The following XPNPEP1 variants were observed in gnomAD, a reference collection of about 807,000 sequenced individuals.
The protein encoded by XPNPEP1 is X-prolyl aminopeptidase 1, also known as xaa-Pro aminopeptidase 1.
In XPNPEP1, 39 loss-of-function variants were observed where a neutral mutation model predicts 92.4. The observed-to-expected ratio is 0.42, with a 90% CI of 0.33 to 0.55. The LOEUF is 0.55. XPNPEP1 is among the 20% of genes least tolerant of loss of function. The pLI, the probability that XPNPEP1 is intolerant of heterozygous loss-of-function variation, is 0.08. For missense variants in XPNPEP1, 654 were observed against 856.1 expected (o/e 0.76, Z 2.95); for synonymous variants, 307 against 299.4 (o/e 1.03, Z -0.26).
intron 1 of XPNPEP1, among the ~76,000 whole-genome samples, chr10:109,918,860 GA>G (rs1296767758): frequency 3.6e-3 from 99 of 27,374 alleles, no homozygotes; most frequent in African/African-American, 0.013. Flanking sequence ...AGGAAGGAGG[GA>G]AGGAAGGAAG....
intron 3 of XPNPEP1, among the ~76,000 whole-genome samples, chr10:109,899,100 A>AT (rs773914676): frequency 2.0e-5 from 3 of 152,204 alleles, no homozygotes; most frequent in Non-Finnish European, 4.4e-5. Flanking sequence ...GTTTCCAAAT[A>AT]TAAGTTATTG....
chr10:109,909,147 T>C (rs1289660882), intron 2 of XPNPEP1, among the ~76,000 whole-genome samples: 1 of 152,156 alleles, frequency 6.6e-6, no homozygotes, highest in Admixed American at 6.5e-5. Context: ...GGCGGGTGCC[T>C]GTAGTCCCAG....
intron 1 of XPNPEP1, among the ~76,000 whole-genome samples, chr10:109,919,043 T>G (rs1850379202): frequency 6.6e-6 from 1 of 152,208 alleles, no homozygotes; most frequent in South Asian, 2.1e-4. Context: ...TGTAAAACTC[T>G]TATAGCGCAA....
chr10:109,867,821 T>A lies in XPNPEP1; in HGVS notation c.1872+793A>T, dbSNP rs765075545. Among the ~76,000 whole-genome samples, 2 of 152,272 alleles carry A rather than the reference T, an allele frequency of 1.3e-5. No individual in the cohort carries two copies. Among genetic ancestry groups the A allele is most frequent in the Non-Finnish European group, 2.9e-5 (2 of 68,052 alleles). On this transcript the variant is annotated intron_variant, in intron 20 of 20. Coordinates refer to ENST00000502935, the MANE Select transcript of XPNPEP1 (RefSeq NM_020383.4). This position sits in a 1 kb window ranked among gnomAD's most constrained non-coding sequence, Gnocchi z 4.5. ...GGAACTTCTGACCCCTGCCTTGCTC[T>A]GGAATTTGTGTCCTCCTGGCTTCCA...
chr10:109,887,960 CTTGGA>C, intron 7 of XPNPEP1, 84 bp downstream of exon 7: 1 of 1,536,954 alleles, frequency 6.5e-7, no homozygotes, highest in Non-Finnish European at 8.8e-7. Context: ...TCCAACTCGA[CTTGGA>C]TTCGGAGGAC....
At chr10:109,890,585 TGTGTGTGTGA>T (rs1201813028) in intron 5 of XPNPEP1, among the ~76,000 whole-genome samples, 3 of 91,992 alleles carry the variant, frequency 3.3e-5, no homozygotes, top group African/African-American at 1.4e-4. Context: ...TGTGTGTGTG[TGTGTGTGTGA>T]GAGAGAGAGA....
chr10:109,892,876 T>G lies in XPNPEP1; in HGVS notation c.310+136A>C, dbSNP rs141751573. Reference sequence around the variant, plus strand: ...CAGGGAAAGACTGGGAACCCACACCTTTCTGCAGAGAGTCAATGTGGAGCA... The same window carrying G: ...CAGGGAAAGACTGGGAACCCACACCGTTCTGCAGAGAGTCAATGTGGAGCA... On this transcript the variant is annotated intron_variant, in intron 4 of 20. Coordinates refer to ENST00000502935, the MANE Select transcript of XPNPEP1 (RefSeq NM_020383.4). 46 of 846,010 alleles carry G rather than the reference T, an allele frequency of 5.4e-5. No homozygotes were observed. The African/African-American group carries it at 7.0e-4, about 13-fold the overall frequency. 52.4% of individuals were successfully genotyped at this position (846,010 alleles called of 1,614,324 possible). A position where few individuals can be genotyped will look rare whatever the true frequency, so the allele number is the denominator to read the frequency against.
chr10:109,865,064 G>C lies in XPNPEP1; in HGVS notation c.*120C>G. 3 of 1,398,544 alleles carry C rather than the reference G, an allele frequency of 2.1e-6. No individual in the cohort carries two copies. Among genetic ancestry groups the C allele is most frequent in the South Asian group, 1.3e-5 (1 of 76,682 alleles). The allele number at this position is 1,398,544 out of a possible 1,614,324, so 86.6% of individuals were successfully genotyped here. The stretch of plus-strand genomic sequence containing the variant: ...AAGAAGATTTTCTGTTCTTCTTAAA[G>C]TCTAAAGTAAAAAGGGGAGGTAGGG... On this transcript the variant is annotated 3_prime_UTR_variant, in exon 21 of 21. Coordinates refer to ENST00000502935, the MANE Select transcript of XPNPEP1 (RefSeq NM_020383.4).
In XPNPEP1 at chr10:109,891,832, G is replaced by A. The variant is rs1252022883; in HGVS notation, c.311-6C>T. The A allele has an allele frequency of 6.2e-7, 1 of 1,610,568 alleles. No individual in the cohort carries two copies. Among genetic ancestry groups the A allele is most frequent in the Admixed American group, 1.7e-5 (1 of 59,258 alleles). On this transcript the variant is annotated splice_region_variant and splice_polypyrimidine_tract_variant and intron_variant, in intron 4 of 20. Coordinates refer to ENST00000502935, the MANE Select transcript of XPNPEP1 (RefSeq NM_020383.4). ...TTCTGTGATGATGGCTGTGCCTGAA[G>A]CAGGGGAGAAAAAAAAAAGAAGAAG...
chr10:109,901,301 C>T (rs568456125), intron 3 of XPNPEP1, among the ~76,000 whole-genome samples: 2 of 151,294 alleles, frequency 1.3e-5, no homozygotes, highest in South Asian at 4.2e-4. Context: ...AGGAGATATA[C>T]CTAATGTAAA....
chr10:109,899,344 C>T (rs1201090659), intron 3 of XPNPEP1, among the ~76,000 whole-genome samples: 1 of 152,056 alleles, frequency 6.6e-6, no homozygotes, highest in Non-Finnish European at 1.5e-5. Flanking sequence ...ATGAGTGTGC[C>T]CTGTCCATAC....
chr10:109,922,787 A>C (rs1850618429), intron 1 of XPNPEP1, among the ~76,000 whole-genome samples: 1 of 152,178 alleles, frequency 6.6e-6, no homozygotes, highest in Admixed American at 6.5e-5. Context: ...TGAGGCCGGG[A>C]AATTATCTGT....
intron 9 of XPNPEP1, 163 bp downstream of exon 9, chr10:109,883,904 C>T: frequency 1.5e-6 from 1 of 646,156 alleles, no homozygotes. Context: ...TAAATAAACA[C>T]CTACTGCTAA....
At chr10:109,910,375 T>A (rs1396009986) in intron 2 of XPNPEP1, among the ~76,000 whole-genome samples, 1 of 151,906 alleles carries the variant, frequency 6.6e-6, no homozygotes, top group Non-Finnish European at 1.5e-5. Flanking sequence ...AGAAACCCCA[T>A]CTCTACTAAA....
intron 9 of XPNPEP1, 129 bp from the exon 10 acceptor site, chr10:109,882,771 C>T (rs1194478979): frequency 3.2e-6 from 3 of 950,608 alleles, no homozygotes; most frequent in East Asian, 2.7e-5. Flanking sequence ...CTCTCCTCCC[C>T]ACTCCTTTCC....
At chr10:109,917,863 T>C (rs1408961248) in intron 1 of XPNPEP1, among the ~76,000 whole-genome samples, 2 of 152,180 alleles carry the variant, frequency 1.3e-5, no homozygotes, top group Non-Finnish European at 2.9e-5. Flanking sequence ...GGGGAAGGAA[T>C]AGTCTCTTCC....
chr10:109,878,768 C>A (rs974318357), intron 12 of XPNPEP1, among the ~76,000 whole-genome samples: 1 of 151,562 alleles, frequency 6.6e-6, no homozygotes, highest in African/African-American at 2.4e-5. Flanking sequence ...CCCAACTAAT[C>A]GGGAGGCTGA....
chr10:109,879,588 A>AAAT (rs1408314435), intron 12 of XPNPEP1, among the ~76,000 whole-genome samples: 1 of 151,974 alleles, frequency 6.6e-6, no homozygotes, highest in Non-Finnish European at 1.5e-5. Context: ...AAATAAAATA[A>AAAT]AATAATAATA....
chr10:109,886,191 A>G (rs1392704015), intron 8 of XPNPEP1, 55 bp downstream of exon 8: 3 of 1,559,582 alleles, frequency 1.9e-6, no homozygotes, highest in Non-Finnish European at 2.6e-6. Flanking sequence ...AGATACCCAG[A>G]GACCCAAAGG....
Sources: gnomAD v4.1 joint callset for allele counts (sites outside exome capture counted in the v4.1 genomes callset) on GRCh38, gnomAD v4.1.1 for gene constraint, Gnocchi (gnomAD v3.1) non-coding constraint, MANE v1.5 for transcripts, NCBI Gene and HGNC (gene_info 2026-07-23, HGNC 2026-07-21) for gene names.